ABCB7: variants seen among roughly 807,000 people sequenced by gnomAD.
ABCB7 encodes the protein iron-sulfur clusters transporter ABCB7, mitochondrial.
Under a neutral mutation model 54.4 loss-of-function variants are expected in ABCB7, and 7 were observed. The observed-to-expected ratio is 0.13, with a 90% confidence interval of 0.07 to 0.24. ABCB7 has a LOEUF of 0.24. ABCB7 is among the 10% of genes least tolerant of loss of function. The probability of loss-of-function intolerance (pLI) is 1.00; values close to 1 mark genes in which losing one functional copy is unlikely to be tolerated. For missense variants in ABCB7, 356 were observed against 570.4 expected (o/e 0.62, Z 3.83); for synonymous variants, 218 against 207.1 (o/e 1.05, Z -0.45).
At chrX:75,082,809 C>A (rs2081466516) in intron 4 of ABCB7, among the ~76,000 whole-genome samples, 1 of 110,291 alleles carries the variant, frequency 9.1e-6, no homozygotes, top group Admixed American at 9.6e-5. Context: ...GTAACCACTA[C>A]AAAATTATAT....
At chrX:75,104,332 T>C (rs912386483) in intron 3 of ABCB7, among the ~76,000 whole-genome samples, 4 of 108,339 alleles carry the variant, frequency 3.7e-5, no homozygotes, top group Admixed American at 3.0e-4. Flanking sequence ...AAGATTCAAA[T>C]ACGTGTAATC....
chrX:75,135,958 T>C (rs1378203951), intron 1 of ABCB7, among the ~76,000 whole-genome samples: 2 of 102,660 alleles, frequency 1.9e-5, no homozygotes, highest in Admixed American at 1.1e-4. Flanking sequence ...CTACTCAACA[T>C]AGTCCTGGAT....
intron 3 of ABCB7, among the ~76,000 whole-genome samples, chrX:75,104,352 A>G (rs1438114766): frequency 9.2e-6 from 1 of 109,019 alleles, no homozygotes; most frequent in Non-Finnish European, 1.9e-5. Flanking sequence ...CAGAAATGGA[A>G]AAGGAGACGT....
At chrX:75,126,422 T>A (rs73625837) in intron 1 of ABCB7, among the ~76,000 whole-genome samples, 1,262 of 111,674 alleles carry the variant, frequency 0.011, 21 homozygotes, top group African/African-American at 0.04. Flanking sequence ...GAGTGAAATT[T>A]ATAGCACTAA....
chrX:75,119,174 G>T (rs2081851425), intron 1 of ABCB7, among the ~76,000 whole-genome samples: 1 of 112,174 alleles, frequency 8.9e-6, no homozygotes, highest in Admixed American at 9.4e-5. Context: ...TTGGGAAATA[G>T]AAACAGTTTT....
At position 75,070,642 on chromosome X, in the gene ABCB7, T is replaced by G. The variant is rs751699869; in HGVS notation, c.1208-120A>C. 279 of 709,073 alleles carry G rather than the reference T, an allele frequency of 3.9e-4. 2 individuals carry two copies. In the Admixed American group the frequency reaches 6.7e-3, roughly 17 times the overall value. The allele number at this position is 709,073 out of a possible 1,213,427, so 58.4% of individuals were successfully genotyped here. On this transcript the variant is annotated intron_variant, in intron 9 of 15. Transcript: ENST00000373394. ...TATTCTTAATCAGCAACAACTCTTA[T>G]GTCAACTCAATTTCAAAGCATTAAT...
At chrX:75,117,400 G>A (rs986311723) in intron 1 of ABCB7, among the ~76,000 whole-genome samples, 7 of 110,747 alleles carry the variant, frequency 6.3e-5, no homozygotes, top group African/African-American at 1.3e-4. Context: ...GTGCATATAC[G>A]CAGGTAAAGA....
At chrX:75,072,859 CAT>C (rs1177052957) in intron 8 of ABCB7, among the ~76,000 whole-genome samples, 8 of 111,468 alleles carry the variant, frequency 7.2e-5, no homozygotes, top group Non-Finnish European at 1.5e-4. Flanking sequence ...TTAAAACACA[CAT>C]TGTACAGCTG....
chrX:75,089,102 G>A (rs1161935139), intron 4 of ABCB7, among the ~76,000 whole-genome samples: 1 of 110,614 alleles, frequency 9.0e-6, no homozygotes, highest in African/African-American at 3.3e-5. Flanking sequence ...TCCTTTACAA[G>A]TGAGGGAAAA....
chrX:75,149,327 A>C (rs1237971178), intron 1 of ABCB7, among the ~76,000 whole-genome samples: 2 of 112,001 alleles, frequency 1.8e-5, no homozygotes, highest in African/African-American at 3.2e-5. Flanking sequence ...CTCACAAATA[A>C]AGTAACTCAA....
intron 1 of ABCB7, among the ~76,000 whole-genome samples, chrX:75,126,373 C>T (rs1287702593): frequency 9.0e-6 from 1 of 111,669 alleles, no homozygotes; most frequent in African/African-American, 3.2e-5. Flanking sequence ...AATGACACAA[C>T]GTACCAGAAT....
intron 1 of ABCB7, among the ~76,000 whole-genome samples, chrX:75,140,100 T>C (rs923753360): frequency 3.6e-5 from 4 of 111,873 alleles, no homozygotes; most frequent in African/African-American, 1.3e-4. Context: ...TGAAATCCAA[T>C]AGAAATCTCT....
Position 75,065,236 on chromosome X carries a change from A to G in ABCB7, c.1665T>C (p.Ala555=). 1 of 1,187,110 alleles carries G rather than the reference A, an allele frequency of 8.4e-7. No individual in the cohort carries two copies. The highest frequency in any genetic ancestry group is 1.1e-6 in the Non-Finnish European group (1 of 874,087). The part of the protein sequence containing the change: ...RRAVGVVPQD[A]VLFHNTIYYN... ...AATAAATAGTATTATGGAAGAGGAC[A>G]GCATCCTGAAGCAGATATACTGAAT... The change falls in exon 13 of 16, where the codon GCT becomes GCC. Residue 555 remains alanine, a synonymous_variant. Transcript: ENST00000373394.
intron 1 of ABCB7, among the ~76,000 whole-genome samples, chrX:75,143,753 T>A (rs2082071516): frequency 9.1e-6 from 1 of 110,465 alleles, no homozygotes; most frequent in South Asian, 3.9e-4. Flanking sequence ...AGGGATACTC[T>A]CCCTTATAAA....
rs185203869 is a variant in ABCB7 at position 75,060,390 on chromosome X, T to C, written c.1936-60A>G. The C allele has an allele frequency of 5.3e-5, 48 of 906,994 alleles. 1 individual carries two copies. In the East Asian group the frequency reaches 1.5e-3, roughly 28 times the overall value. 74.7% of individuals were successfully genotyped at this position (906,994 alleles called of 1,213,427 possible). A position where few individuals can be genotyped will look rare whatever the true frequency, so the allele number is the denominator to read the frequency against. The stretch of plus-strand genomic sequence containing the variant: ...TAAAAAGAAGTACACATTAGGCAAA[T>C]GTAAATTAAAATAATCATACATTTC... On this transcript the variant is annotated intron_variant, in intron 14 of 15. Coordinates refer to ENST00000373394, the MANE Select transcript of ABCB7 (RefSeq NM_001271696.3).
intron 2 of ABCB7, among the ~76,000 whole-genome samples, chrX:75,114,222 T>A (rs745638090): frequency 1.2e-4 from 14 of 112,155 alleles, no homozygotes; most frequent in African/African-American, 4.5e-4. Context: ...AAATTTAGAC[T>A]GTCTTCTAAT....
At chrX:75,115,093 C>G (rs1486611716) in intron 1 of ABCB7, among the ~76,000 whole-genome samples, 1 of 108,016 alleles carries the variant, frequency 9.3e-6, no homozygotes, top group African/African-American at 3.4e-5. Context: ...CATGGTGAAA[C>G]CCCGTCTCTA....
chrX:75,149,265 T>A (rs2082114769), intron 1 of ABCB7, among the ~76,000 whole-genome samples: 1 of 112,110 alleles, frequency 8.9e-6, no homozygotes, highest in Non-Finnish European at 1.9e-5. Context: ...TTTTTATATC[T>A]TATTCCTCAA....
intron 1 of ABCB7, among the ~76,000 whole-genome samples, chrX:75,120,231 T>C (rs1358585987): frequency 8.9e-6 from 1 of 112,639 alleles, no homozygotes; most frequent in Non-Finnish European, 1.9e-5. Context: ...TATGTTTCTC[T>C]CTACCTGATT....
Sources: gnomAD v4.1 joint callset for allele counts (sites outside exome capture counted in the v4.1 genomes callset) on GRCh38, gnomAD v4.1.1 for gene constraint, MANE v1.5 for transcripts, NCBI Gene and HGNC (gene_info 2026-07-23, HGNC 2026-07-21) for gene names.